Variants in SHISA9 observed in about 807,000 individuals in gnomAD.
The protein encoded by SHISA9 is shisa family member 9, also known as protein shisa-9.
SHISA9 carries 13 observed loss-of-function variants against 38.0 expected under a neutral mutation model. That is an observed-to-expected ratio of 0.34 (90% CI 0.22 to 0.54). The LOEUF (loss-of-function observed/expected upper bound fraction) is 0.54, where lower values mean the gene tolerates loss of function less well. SHISA9 is among the 20% of genes least tolerant of loss of function. The pLI, the probability that SHISA9 is intolerant of heterozygous loss-of-function variation, is 0.91. For synonymous variants in SHISA9, 275 were observed against 242.0 expected (o/e 1.14, Z -1.27); for missense variants, 538 against 575.8 (o/e 0.93, Z 0.67).
In SHISA9 at chr16:13,235,115, A is replaced by G. The variant is rs1272490992; in HGVS notation, c.981A>G (p.Val327=). Residue 327 remains valine, a synonymous_variant, in exon 5 of 5, where the codon GTA becomes GTG. Coordinates refer to ENST00000558583, the MANE Select transcript of SHISA9 (RefSeq NM_001145204.3). The stretch of plus-strand genomic sequence containing the variant: ...AGGGGAACTTACCTCTGCACCCCGT[A>G]AGAGTGGAGGACGAGCCCCGGGCCT... ...AAKGNLPLHP[V]RVEDEPRAFS... 6.4e-7 allele frequency: 1 copy of G among 1,551,640 alleles called. No homozygotes were observed. The highest frequency in any genetic ancestry group is 2.4e-5 in the East Asian group (1 of 40,908).
chr16:12,998,991 A>G (rs1344424016), intron 2 of SHISA9, among the ~76,000 whole-genome samples: 4 of 152,188 alleles, frequency 2.6e-5, no homozygotes, highest in Non-Finnish European at 1.5e-5. Flanking sequence ...TTTGTCATCC[A>G]ATCAATACAT....
the SHISA9 span, among the ~76,000 whole-genome samples, chr16:13,357,959 A>C: frequency 1.3e-5 from 2 of 152,028 alleles, no homozygotes; most frequent in Non-Finnish European, 2.9e-5. Flanking sequence ...GGGCATATTC[A>C]CTTCTTTTGT....
At chr16:13,203,127 C>T in intron 2 of SHISA9, 3 of 310,922 alleles carry the variant, frequency 9.6e-6, no homozygotes, top group Non-Finnish European at 1.8e-5. Context: ...AACCTCTCTA[C>T]TGAAAGGACC....
chr16:13,357,681 G>T, the SHISA9 span, among the ~76,000 whole-genome samples: 422 of 152,258 alleles, frequency 2.8e-3, 2 homozygotes, highest in Non-Finnish European at 2.9e-3. Context: ...GAGAGTCAGC[G>T]AAGGGACATA....
chr16:12,907,258 T>C (rs12925722), intron 1 of SHISA9, among the ~76,000 whole-genome samples: 85,770 of 140,116 alleles, frequency 0.61, 28,918 homozygotes, highest in East Asian at 0.79. Flanking sequence ...TTCCTACCCT[T>C]CTTCCTTCTG....
At chr16:13,251,973 C>G in the SHISA9 span, among the ~76,000 whole-genome samples, 1 of 152,182 alleles carries the variant, frequency 6.6e-6, no homozygotes, top group South Asian at 2.1e-4. Context: ...GCCTTGTGCC[C>G]TAGGGCCAGG....
At chr16:13,242,011 C>T (rs2051439101), downstream of SHISA9, among the ~76,000 whole-genome samples, 1 of 152,208 alleles carries the variant, frequency 6.6e-6, no homozygotes, top group Non-Finnish European at 1.5e-5. Flanking sequence ...TCATAAACAA[C>T]AACAACAATA....
At chr16:13,261,011 T>C in the SHISA9 span, among the ~76,000 whole-genome samples, 38 of 152,216 alleles carry the variant, frequency 2.5e-4, no homozygotes, top group Middle Eastern at 3.4e-3. Flanking sequence ...ACCCATCAGA[T>C]CTCGTGAAAC....
At chr16:13,386,069 C>T in the SHISA9 span, among the ~76,000 whole-genome samples, 1 of 152,194 alleles carries the variant, frequency 6.6e-6, no homozygotes, top group Non-Finnish European at 1.5e-5. Flanking sequence ...TGTGACGGTG[C>T]CCATGGATAT....
chr16:13,299,491 A>C, the SHISA9 span, among the ~76,000 whole-genome samples: 2 of 152,128 alleles, frequency 1.3e-5, no homozygotes, highest in African/African-American at 4.8e-5. Flanking sequence ...AGGTGGGCGG[A>C]TCACCTGAGG....
the SHISA9 span, among the ~76,000 whole-genome samples, chr16:13,258,821 C>G: frequency 6.6e-6 from 1 of 152,294 alleles, no homozygotes; most frequent in South Asian, 2.1e-4. Flanking sequence ...AATTACCTCC[C>G]TCTGGGTCCT....
the SHISA9 span, among the ~76,000 whole-genome samples, chr16:13,429,044 G>A: frequency 6.6e-6 from 1 of 152,148 alleles, no homozygotes; most frequent in African/African-American, 2.4e-5. Context: ...TGGGATTACA[G>A]GCGTGAGCCA....
At chr16:13,189,542 T>G (rs1455831308) in intron 2 of SHISA9, among the ~76,000 whole-genome samples, 1 of 152,204 alleles carries the variant, frequency 6.6e-6, no homozygotes. Context: ...GTAAAAAGTT[T>G]TTACGTGGTT....
intron 3 of SHISA9, among the ~76,000 whole-genome samples, chr16:13,211,817 G>C (rs184129029): frequency 6.6e-6 from 1 of 152,218 alleles, no homozygotes; most frequent in Non-Finnish European, 1.5e-5. Flanking sequence ...TTGGGGTTCA[G>C]ATGGCTTCCC....
the SHISA9 span, among the ~76,000 whole-genome samples, chr16:13,455,844 T>C: frequency 6.6e-6 from 1 of 152,152 alleles, no homozygotes; most frequent in Non-Finnish European, 1.5e-5. Flanking sequence ...GAAGTTGATA[T>C]GGAGCTAGCC....
intron 2 of SHISA9, among the ~76,000 whole-genome samples, chr16:13,083,223 G>A (rs2073673226): frequency 6.6e-6 from 1 of 152,308 alleles, no homozygotes. Context: ...CCATGGGGCT[G>A]GATGGCTACT....
chr16:13,550,612 G>C, the SHISA9 span, among the ~76,000 whole-genome samples: 1 of 152,138 alleles, frequency 6.6e-6, no homozygotes, highest in African/African-American at 2.4e-5. Context: ...TTCAACTCCA[G>C]GTCTTCCTGA....
At chr16:13,203,319 T>G (rs1377478225) in intron 2 of SHISA9, 75 bp from the exon 3 acceptor site, 9 of 1,352,282 alleles carry the variant, frequency 6.7e-6, no homozygotes, top group Non-Finnish European at 6.7e-6. Flanking sequence ...TGGTCTCCAG[T>G]GATGTGGTGA....
chr16:13,290,824 C>T, the SHISA9 span, among the ~76,000 whole-genome samples: 1 of 152,118 alleles, frequency 6.6e-6, no homozygotes, highest in Non-Finnish European at 1.5e-5. Flanking sequence ...CTGCTCATCA[C>T]ACAGATGAAG....
Sources: allele counts gnomAD v4.1 joint callset (sites outside exome capture counted in the v4.1 genomes callset), GRCh38; gene constraint gnomAD v4.1.1; transcripts MANE v1.5; gene names NCBI Gene and HGNC (gene_info 2026-07-23, HGNC 2026-07-21).